Variants in KLHDC10 observed in about 807,000 individuals in gnomAD.
The protein encoded by KLHDC10 is kelch domain-containing protein 10.
A neutral mutation model predicts 56.1 loss-of-function variants in KLHDC10; 24 were observed. The ratio of observed to expected loss-of-function variants is 0.43; its 90% CI spans 0.31 to 0.60. KLHDC10 has a LOEUF of 0.60. KLHDC10 is among the 20% of genes least tolerant of loss of function. The pLI, the probability that KLHDC10 is intolerant of heterozygous loss-of-function variation, is 0.11. For synonymous variants in KLHDC10, 188 were observed against 207.1 expected (o/e 0.91, Z 0.79); for missense variants, 349 against 567.0 (o/e 0.62, Z 3.91).
intron 2 of KLHDC10, among the ~76,000 whole-genome samples, chr7:130,113,174 G>A (rs1425894771): frequency 6.6e-6 from 1 of 152,066 alleles, no homozygotes; most frequent in East Asian, 1.9e-4. Context: ...CACATTTCAA[G>A]TGCTCAGGAG....
intron 1 of KLHDC10, among the ~76,000 whole-genome samples, chr7:130,081,855 A>G (rs1045788181): frequency 2.0e-5 from 3 of 151,414 alleles, no homozygotes; most frequent in Non-Finnish European, 2.9e-5. Flanking sequence ...TTTCCCTTCC[A>G]TTTCTTTTCT....
intron 1 of KLHDC10, among the ~76,000 whole-genome samples, chr7:130,086,822 A>G (rs1795697739): frequency 6.6e-6 from 1 of 152,184 alleles, no homozygotes; most frequent in Non-Finnish European, 1.5e-5. Context: ...AATATTGCTA[A>G]TTTGCCTTTT....
intron 1 of KLHDC10, among the ~76,000 whole-genome samples, chr7:130,075,685 A>G (rs1156923953): frequency 6.6e-6 from 1 of 152,182 alleles, no homozygotes; most frequent in Admixed American, 6.5e-5. Context: ...AATTTGTAGA[A>G]GTACAGTTTC....
intron 2 of KLHDC10, among the ~76,000 whole-genome samples, chr7:130,101,997 CT>C (rs1454164391): frequency 2.0e-4 from 24 of 120,360 alleles, no homozygotes; most frequent in Non-Finnish European, 1.2e-4. Context: ...AAAAAAAAGA[CT>C]GGAGGAAGAG....
rs113987458 is a variant in KLHDC10, at chr7:130,130,136, T to C, written c.1120-401T>C. 7.9e-3 allele frequency among the ~76,000 whole-genome samples: 1,178 copies of C among 148,856 alleles called. 14 individuals carry two copies. Among genetic ancestry groups the C allele is most frequent in the African/African-American group, 0.026 (1,075 of 41,078 alleles). ...TTGAGACCATCCTGGCTAACACGGA[T>C]GAAACCCCATCTCTACTAAAAATAC... On this transcript the variant is annotated intron_variant, in intron 9 of 9. Transcript: ENST00000335420. This position sits in a 1 kb window ranked among gnomAD's most constrained non-coding sequence, Gnocchi z 4.2.
In KLHDC10 at chr7:130,120,887, G is replaced by A. The variant is rs1245468586; in HGVS notation, c.614G>A (p.Ser205Asn). Residue 205 changes from serine (S) to asparagine (N), a missense_variant, in exon 4 of 10, where the codon AGT becomes AAT. Coordinates refer to ENST00000335420, the MANE Select transcript of KLHDC10 (RefSeq NM_014997.4). The surrounding 1 kb of genome is among the most constrained non-coding windows in gnomAD (Gnocchi z 5.1). ...ALLSCRGKKP[S>N]RIYGQAMAII... ...CTCAGCTGTCGGGGGAAGAAACCCA[G>A]TCGTATATATGGACAGGTACCAATC... 23 of 1,614,062 alleles carry A rather than the reference G, an allele frequency of 1.4e-5. No individual in the cohort carries two copies. The highest frequency in any genetic ancestry group is 1.9e-5 in the Non-Finnish European group (23 of 1,179,956).
intron 1 of KLHDC10, among the ~76,000 whole-genome samples, chr7:130,079,480 G>C (rs1795567627): frequency 6.6e-6 from 1 of 152,058 alleles, no homozygotes; most frequent in Non-Finnish European, 1.5e-5. Context: ...ATCTATTATT[G>C]TGGTAGATTG....
chr7:130,073,280 A>AAATCCTATT (rs1487647454), intron 1 of KLHDC10, among the ~76,000 whole-genome samples: 2 of 148,736 alleles, frequency 1.3e-5, no homozygotes, highest in Non-Finnish European at 3.0e-5. Flanking sequence ...TTTGACCTCT[A>AAATCCTATT]AATCCTATTT....
At chr7:130,081,465 C>A (rs1795606504) in intron 1 of KLHDC10, among the ~76,000 whole-genome samples, 1 of 152,022 alleles carries the variant, frequency 6.6e-6, no homozygotes, top group African/African-American at 2.4e-5. Flanking sequence ...ATTACAGGCG[C>A]ACGCTGCCAC....
rs571641347 is a variant in KLHDC10 at position 130,132,160 on chromosome 7, T to C, written c.*1414T>C. 6.6e-6 allele frequency: 1 copy of C among 152,292 alleles called. No individual in the cohort carries two copies. Among genetic ancestry groups the C allele is most frequent in the South Asian group, 2.1e-4 (1 of 4,826 alleles). 9.4% of individuals were successfully genotyped at this position (152,292 alleles called of 1,614,324 possible). On this transcript the variant is annotated 3_prime_UTR_variant, in exon 10 of 10. Coordinates refer to ENST00000335420, the MANE Select transcript of KLHDC10 (RefSeq NM_014997.4). ...GAGCAAGAGGCTCACCATGCGCATG[T>C]GTAAGCCGCAGGTGTACTCAAGGTG...
At chr7:130,094,791 C>T (rs978350962) in intron 1 of KLHDC10, 2 of 152,082 alleles carry the variant, frequency 1.3e-5, no homozygotes, top group Non-Finnish European at 2.9e-5. Context: ...CATCCCCTAT[C>T]ATTGGACATT....
chr7:130,107,036 G>C (rs1257206481), intron 2 of KLHDC10, among the ~76,000 whole-genome samples: 2 of 152,188 alleles, frequency 1.3e-5, no homozygotes, highest in East Asian at 3.8e-4. Flanking sequence ...TACGCATCCA[G>C]GGATAAAAGA....
chr7:130,101,493 A>C (rs1050564803), intron 2 of KLHDC10, among the ~76,000 whole-genome samples: 4 of 152,170 alleles, frequency 2.6e-5, no homozygotes, highest in Non-Finnish European at 5.9e-5. Context: ...GGAAGGTGGA[A>C]TATCAGGGCA....
rs781502395 is a variant in KLHDC10 at position 130,070,773 on chromosome 7, C to T, written c.130C>T (p.Arg44Cys). 1 of 1,308,292 alleles carries T rather than the reference C, an allele frequency of 7.6e-7. No individual in the cohort carries two copies. 81.0% of individuals were successfully genotyped at this position (1,308,292 alleles called of 1,614,324 possible). ...SGGRGTGQLN[R>C]FVQLSGRPHL... ...GGGTCGGGGGACTGGCCAGCTCAACCGCTTCGTGCAACTCTCCGGGCGGCC... is the reference window on the plus strand; with the variant it reads ...GGGTCGGGGGACTGGCCAGCTCAACTGCTTCGTGCAACTCTCCGGGCGGCC... Residue 44 changes from arginine to cysteine, a missense_variant, in exon 1 of 10, where the codon CGC (arginine) becomes TGC (cysteine). By Grantham distance (180) the Arg-to-Cys change is radical. Coordinates refer to ENST00000335420, the MANE Select transcript of KLHDC10 (RefSeq NM_014997.4).
chr7:130,082,295 G>T (rs1465897167), intron 1 of KLHDC10, among the ~76,000 whole-genome samples: 3 of 152,192 alleles, frequency 2.0e-5, no homozygotes, highest in Non-Finnish European at 4.4e-5. Flanking sequence ...CTGCACTCTA[G>T]CCTGGGCAGC....
At chr7:130,128,889 A>AAAAAAAAAAATATATATATATATATATAT in intron 8 of KLHDC10, among the ~76,000 whole-genome samples, 16 of 66,932 alleles carry the variant, frequency 2.4e-4, no homozygotes, top group Non-Finnish European at 4.4e-4. Flanking sequence ...AAAAAAAAAA[A>AAAAAAAAAAATATATATATATATATATAT]ATATATATAT....
At chr7:130,126,024 T>G (rs1194339108) in intron 7 of KLHDC10, 93 bp downstream of exon 7, 4 of 923,042 alleles carry the variant, frequency 4.3e-6, no homozygotes, top group Non-Finnish European at 6.5e-6. Flanking sequence ...CTGAGTTATA[T>G]GTCAAGTTAA....
Position 130,130,410 on chromosome 7 carries a change from T to C in KLHDC10, c.1120-127T>C, listed in dbSNP as rs1036080763. The C allele has an allele frequency of 1.6e-5, 11 of 701,608 alleles. No individual in the cohort carries two copies. The highest frequency in any genetic ancestry group is 7.0e-5 in the African/African-American group (4 of 57,040). 43.5% of individuals were successfully genotyped at this position (701,608 alleles called of 1,614,324 possible). A position where few individuals can be genotyped will look rare whatever the true frequency, so the allele number is the denominator to read the frequency against. On this transcript the variant is annotated intron_variant, in intron 9 of 9. Coordinates refer to ENST00000335420, the MANE Select transcript of KLHDC10 (RefSeq NM_014997.4). The surrounding 1 kb of genome is among the most constrained non-coding windows in gnomAD (Gnocchi z 4.2). ...AAACCCTCTTGATCTCCACATGGTATTGGGATCAGTGAGGAATTCTTGTTT... is the reference window on the plus strand; with the variant it reads ...AAACCCTCTTGATCTCCACATGGTACTGGGATCAGTGAGGAATTCTTGTTT...
intron 1 of KLHDC10, among the ~76,000 whole-genome samples, chr7:130,085,432 G>A (rs1381606331): frequency 6.6e-6 from 1 of 151,998 alleles, no homozygotes; most frequent in Non-Finnish European, 1.5e-5. Flanking sequence ...GGTCAGTGAG[G>A]TAGGAGGAAG....
Sources: gnomAD v4.1 joint callset for allele counts (sites outside exome capture counted in the v4.1 genomes callset) on GRCh38, gnomAD v4.1.1 for gene constraint, Gnocchi (gnomAD v3.1) non-coding constraint, MANE v1.5 for transcripts, NCBI Gene and HGNC (gene_info 2026-07-23, HGNC 2026-07-21) for gene names.